HTR7: variants seen among roughly 807,000 people sequenced by gnomAD.
HTR7 encodes 5-HT-7.
Under a neutral mutation model 34.0 loss-of-function variants are expected in HTR7, and 16 were observed. The ratio of observed to expected loss-of-function variants is 0.47; its 90% CI spans 0.32 to 0.71. HTR7 has a LOEUF of 0.71. Ranked by LOEUF, HTR7 falls within the 30% of genes least tolerant of loss-of-function variation. The probability of loss-of-function intolerance (pLI) is 0.04; values close to 1 mark genes in which losing one functional copy is unlikely to be tolerated. For missense variants in HTR7, 504 were observed against 625.5 expected (o/e 0.81, Z 2.07); for synonymous variants, 265 against 260.2 (o/e 1.02, Z -0.18).
At chr10:90,779,096 A>G (rs56671309) in intron 1 of HTR7, among the ~76,000 whole-genome samples, 3,929 of 152,266 alleles carry the variant, frequency 0.026, 133 homozygotes, top group African/African-American at 0.081. Flanking sequence ...AAAGGCCAGG[A>G]GGAAGGATTT....
At chr10:90,770,577 G>A (rs555323520) in intron 1 of HTR7, among the ~76,000 whole-genome samples, 10 of 152,200 alleles carry the variant, frequency 6.6e-5, no homozygotes, top group Non-Finnish European at 7.3e-5. Context: ...ATCTCAGAGC[G>A]GGATTGGGGC....
chr10:90,748,750 C>T, intron 2 of HTR7, 89 bp downstream of exon 2: 1 of 1,367,746 alleles, frequency 7.3e-7, no homozygotes. Context: ...AAGCTAGCTA[C>T]TCGTTCAGGA....
At chr10:90,848,288 C>A (rs1360543356) in intron 1 of HTR7, among the ~76,000 whole-genome samples, 1 of 152,158 alleles carries the variant, frequency 6.6e-6, no homozygotes, top group Non-Finnish European at 1.5e-5. Context: ...TCTCGAACTC[C>A]AGACCTCAGG....
chr10:90,792,950 T>C (rs1399885838), intron 1 of HTR7, among the ~76,000 whole-genome samples: 1 of 151,998 alleles, frequency 6.6e-6, no homozygotes, highest in Non-Finnish European at 1.5e-5. Context: ...ATAAAACTCC[T>C]AAAAGAAAAC....
At chr10:90,802,519 T>C (rs1426512126) in intron 1 of HTR7, among the ~76,000 whole-genome samples, 2 of 152,200 alleles carry the variant, frequency 1.3e-5, no homozygotes, top group Admixed American at 6.5e-5. Flanking sequence ...GGCTTTTGAA[T>C]TGAGTCACTA....
intron 1 of HTR7, among the ~76,000 whole-genome samples, chr10:90,817,993 GA>G (rs1301705675): frequency 6.6e-6 from 1 of 152,162 alleles, no homozygotes; most frequent in Admixed American, 6.5e-5. Flanking sequence ...TCTATTTATA[GA>G]AAAGGCAAAT....
chr10:90,773,230 C>A (rs946453913), intron 1 of HTR7, among the ~76,000 whole-genome samples: 1 of 152,186 alleles, frequency 6.6e-6, no homozygotes, highest in Non-Finnish European at 1.5e-5. Context: ...ACCAGCTACA[C>A]TGTGGGATAG....
rs371548006 is a variant in HTR7, at chr10:90,769,909, G to A, written c.540-20315C>T. Among the ~76,000 whole-genome samples, 15 of 152,368 alleles carry A rather than the reference G, an allele frequency of 9.8e-5. No homozygotes were observed. The East Asian group carries it at 2.7e-3, about 27-fold the overall frequency. On this transcript the variant is annotated intron_variant, in intron 1 of 3. Transcript: ENST00000336152. ...GCAACAAAATTGACAGCAGCAGCAG[G>A]CAGTCCAGAGCAGCCGCTGCCATCA... is the stretch of plus-strand genomic sequence containing the variant.
chr10:90,844,764 A>C lies in HTR7; in HGVS notation c.539+12369T>G, dbSNP rs559375544. ...AAAAAAAAAAAAAAAAAAAAAAAAA[A>C]GATCAGTCTGGCTCAGGGGTTCTCA... On this transcript the variant is annotated intron_variant, in intron 1 of 3. Coordinates refer to ENST00000336152, the MANE Select transcript of HTR7 (RefSeq NM_019859.4). Among the ~76,000 whole-genome samples, 167 of 136,852 alleles carry C rather than the reference A, an allele frequency of 1.2e-3. 2 individuals carry two copies. The highest frequency in any genetic ancestry group is 2.6e-3 in the South Asian group (11 of 4,222). 89.8% of individuals were successfully genotyped at this position (136,852 alleles called of 152,430 possible).
intron 1 of HTR7, among the ~76,000 whole-genome samples, chr10:90,823,010 A>G (rs978672626): frequency 2.0e-5 from 3 of 152,202 alleles, no homozygotes; most frequent in Non-Finnish European, 4.4e-5. Flanking sequence ...AAATGCCTGG[A>G]TGTGCAGGCA....
intron 1 of HTR7, among the ~76,000 whole-genome samples, chr10:90,798,607 C>T (rs1216409434): frequency 6.6e-6 from 1 of 152,150 alleles, no homozygotes; most frequent in East Asian, 1.9e-4. Context: ...CCCAGCAACT[C>T]AGGGACCAAG....
rs373551063 is a variant in HTR7 at position 90,754,706 on chromosome 10, C to T, written c.540-5112G>A. Among the ~76,000 whole-genome samples, 4 of 152,182 alleles carry T rather than the reference C, an allele frequency of 2.6e-5. No homozygotes were observed. The East Asian group carries it at 5.8e-4, about 22-fold the overall frequency. On this transcript the variant is annotated intron_variant, in intron 1 of 3. Coordinates refer to ENST00000336152, the MANE Select transcript of HTR7 (RefSeq NM_019859.4). Reference sequence around the variant, plus strand: ...GAGAGGGATCGGAAGTAAATTAACTCTGCTGCCTGTCTTCCATTCTAACTG... The same window carrying T: ...GAGAGGGATCGGAAGTAAATTAACTTTGCTGCCTGTCTTCCATTCTAACTG...
At chr10:90,804,307 C>G (rs1845670725) in intron 1 of HTR7, among the ~76,000 whole-genome samples, 1 of 152,176 alleles carries the variant, frequency 6.6e-6, no homozygotes, top group Admixed American at 6.5e-5. Flanking sequence ...GGACACCAGA[C>G]AAGAACCTGG....
chr10:90,800,924 G>A (rs554883322), intron 1 of HTR7, among the ~76,000 whole-genome samples: 3 of 152,194 alleles, frequency 2.0e-5, no homozygotes, highest in East Asian at 3.9e-4. Context: ...TAACTCTGAC[G>A]GGATCTCAGG....
chr10:90,803,984 A>C (rs1178942166), intron 1 of HTR7, among the ~76,000 whole-genome samples: 3 of 152,060 alleles, frequency 2.0e-5, no homozygotes, highest in Admixed American at 2.0e-4. Flanking sequence ...CCAACCTATA[A>C]CCATAAAAAC....
chr10:90,742,923 A>T (rs2119655834), intron 3 of HTR7, among the ~76,000 whole-genome samples: 1 of 152,330 alleles, frequency 6.6e-6, no homozygotes, highest in African/African-American at 2.4e-5. Context: ...AAACCTAGGA[A>T]GGTGTGTTAT....
At chr10:90,748,789 G>A (rs749693622) in intron 2 of HTR7, 50 bp downstream of exon 2, 36 of 1,538,182 alleles carry the variant, frequency 2.3e-5, no homozygotes, top group Non-Finnish European at 2.7e-5. Flanking sequence ...TCAAAAAGCT[G>A]CATAAAAGGG....
chr10:90,822,945 A>G (rs753704690), intron 1 of HTR7, among the ~76,000 whole-genome samples: 3 of 152,262 alleles, frequency 2.0e-5, no homozygotes, highest in Non-Finnish European at 2.9e-5. Context: ...GTGGGTGCAC[A>G]GAAGGCAAGA....
chr10:90,833,796 C>T (rs558729270), intron 1 of HTR7, among the ~76,000 whole-genome samples: 2 of 152,092 alleles, frequency 1.3e-5, no homozygotes, highest in East Asian at 3.9e-4. Context: ...GAAGATTGTT[C>T]ATTTTGAAAA....
Sources: allele counts gnomAD v4.1 joint callset (sites outside exome capture counted in the v4.1 genomes callset), GRCh38; gene constraint gnomAD v4.1.1; transcripts MANE v1.5; gene names NCBI Gene and HGNC (gene_info 2026-07-23, HGNC 2026-07-21).